Variants in FRMD6 observed in about 807,000 individuals in gnomAD.
The protein encoded by FRMD6 is FERM domain containing 6.
A neutral mutation model predicts 73.2 loss-of-function variants in FRMD6; 37 were observed. The ratio of observed to expected loss-of-function variants is 0.51; its 90% CI spans 0.39 to 0.66. The LOEUF (loss-of-function observed/expected upper bound fraction) is 0.66. Ranked by LOEUF, FRMD6 falls within the 30% of genes least tolerant of loss-of-function variation. The probability of loss-of-function intolerance (pLI) is 0.00; values close to 1 mark genes in which losing one functional copy is unlikely to be tolerated. For synonymous variants in FRMD6, 273 were observed against 282.2 expected (o/e 0.97, Z 0.33); for missense variants, 714 against 780.5 (o/e 0.91, Z 1.02).
At chr14:51,683,672 C>T (rs1486862512) in intron 1 of FRMD6, among the ~76,000 whole-genome samples, 1 of 152,084 alleles carries the variant, frequency 6.6e-6, no homozygotes, top group African/African-American at 2.4e-5. Context: ...TTTAACCCTT[C>T]CAATAATCTT....
chr14:51,608,759 T>C (rs939844357), intron 2 of FRMD6, among the ~76,000 whole-genome samples: 3 of 152,164 alleles, frequency 2.0e-5, no homozygotes, highest in Non-Finnish European at 4.4e-5. Context: ...CATACACATT[T>C]GTCATTCATT....
intron 2 of FRMD6, among the ~76,000 whole-genome samples, chr14:51,690,408 C>T (rs906345730): frequency 6.6e-6 from 1 of 152,044 alleles, no homozygotes; most frequent in Non-Finnish European, 1.5e-5. Context: ...CTTTTTGAGA[C>T]AGAGTCTCAC....
At chr14:51,437,401 C>T in the FRMD6 span, among the ~76,000 whole-genome samples, 1 of 152,214 alleles carries the variant, frequency 6.6e-6, no homozygotes, top group Non-Finnish European at 1.5e-5. Context: ...CTGCCGGGTT[C>T]AAGCGATTCT....
chr14:51,713,458 CAA>C (rs5808631), intron 9 of FRMD6, among the ~76,000 whole-genome samples: 387 of 111,798 alleles, frequency 3.5e-3, no homozygotes, highest in African/African-American at 5.9e-3. Flanking sequence ...AACTCCATCT[CAA>C]AAAAAAAAAA....
At chr14:51,704,517 A>C in intron 5 of FRMD6, 1 of 466,280 alleles carries the variant, frequency 2.1e-6, no homozygotes, top group Non-Finnish European at 3.8e-6. Context: ...AAGCCTTAGG[A>C]AACGTTATTT....
At chr14:51,424,753 A>G in the FRMD6 span, among the ~76,000 whole-genome samples, 1 of 152,246 alleles carries the variant, frequency 6.6e-6, no homozygotes, top group African/African-American at 2.4e-5. Flanking sequence ...TGTGTATTGT[A>G]TGGCTATTTA....
At chr14:51,702,370 C>A in intron 4 of FRMD6, 142 bp from the exon 5 acceptor site, 1 of 664,128 alleles carries the variant, frequency 1.5e-6, no homozygotes, top group Non-Finnish European at 2.7e-6. Context: ...CTACCTACTA[C>A]AAGCCCCTAC....
At chr14:51,426,723 C>G in the FRMD6 span, among the ~76,000 whole-genome samples, 1 of 152,158 alleles carries the variant, frequency 6.6e-6, no homozygotes, top group Admixed American at 6.5e-5. Flanking sequence ...CCTTCTCGTT[C>G]TCTTCTCAGA....
At chr14:51,666,060 A>G (rs890256295) in intron 1 of FRMD6, among the ~76,000 whole-genome samples, 7 of 152,280 alleles carry the variant, frequency 4.6e-5, no homozygotes, top group African/African-American at 7.2e-5. Flanking sequence ...GTGGTAATCT[A>G]TGATTATAGT....
chr14:51,683,350 G>GC (rs1894934498), intron 1 of FRMD6, among the ~76,000 whole-genome samples: 1 of 152,120 alleles, frequency 6.6e-6, no homozygotes, highest in East Asian at 1.9e-4. Flanking sequence ...GCTCACTGCA[G>GC]CAATGACTTG....
intron 9 of FRMD6, among the ~76,000 whole-genome samples, chr14:51,713,018 C>T (rs1340261461): frequency 6.6e-6 from 1 of 152,140 alleles, no homozygotes; most frequent in African/African-American, 2.4e-5. Context: ...ATGAAAAATA[C>T]TCTTACAATA....
intron 1 of FRMD6, among the ~76,000 whole-genome samples, chr14:51,492,464 G>T (rs977640778): frequency 2.0e-4 from 30 of 152,130 alleles, no homozygotes; most frequent in Admixed American, 1.1e-3. Flanking sequence ...CCTTAGCACC[G>T]AGACCATTGG....
At chr14:51,420,436 G>A in the FRMD6 span, among the ~76,000 whole-genome samples, 1 of 152,214 alleles carries the variant, frequency 6.6e-6, no homozygotes, top group Non-Finnish European at 1.5e-5. Context: ...TTGGGAAAAT[G>A]TCAGTGATAA....
the FRMD6 span, among the ~76,000 whole-genome samples, chr14:51,474,283 A>T: frequency 6.6e-6 from 1 of 152,200 alleles, no homozygotes; most frequent in South Asian, 2.1e-4. Context: ...GGAGTTGGAA[A>T]TTTCCCTGCC....
Position 51,597,755 on chromosome 14 carries a change from G to C in FRMD6, c.-147+27345G>C, listed in dbSNP as rs72673992. Among the ~76,000 whole-genome samples the C allele has an allele frequency of 2.4e-3, 366 of 152,312 alleles. 2 individuals carry two copies. The highest frequency in any genetic ancestry group is 4.2e-3 in the Non-Finnish European group (284 of 68,020). ...TGTTCAATCCAAGTTATTAAAGAAG[G>C]GGGTAAAGAAATTCCAAGACCAGAT... is the stretch of plus-strand genomic sequence containing the variant. On this transcript the variant is annotated intron_variant, in intron 2 of 14. Coordinates refer to the FRMD6 transcript ENST00000356218.
chr14:51,409,624 C>G, the FRMD6 span, among the ~76,000 whole-genome samples: 1 of 152,046 alleles, frequency 6.6e-6, no homozygotes, highest in African/African-American at 2.4e-5. Context: ...TTTGACACAG[C>G]GTCTCACTCT....
intron 1 of FRMD6, among the ~76,000 whole-genome samples, chr14:51,551,743 A>T (rs1465449235): frequency 6.6e-6 from 1 of 152,048 alleles, no homozygotes; most frequent in Non-Finnish European, 1.5e-5. Flanking sequence ...TTAGAAAAAA[A>T]AACTTTATAT....
chr14:51,429,609 A>G, the FRMD6 span, among the ~76,000 whole-genome samples: 1 of 152,154 alleles, frequency 6.6e-6, no homozygotes, highest in East Asian at 1.9e-4. Flanking sequence ...CGTTTCCCCC[A>G]TTTAACATTC....
chr14:51,503,786 C>T (rs1410736481), intron 1 of FRMD6, among the ~76,000 whole-genome samples: 1 of 148,386 alleles, frequency 6.7e-6, no homozygotes, highest in Non-Finnish European at 1.5e-5. Context: ...AGAATAGTTT[C>T]AGTAGAAATG....
Sources: gnomAD v4.1 joint callset for allele counts (sites outside exome capture counted in the v4.1 genomes callset) on GRCh38, gnomAD v4.1.1 for gene constraint, MANE v1.5 for transcripts, NCBI Gene and HGNC (gene_info 2026-07-23, HGNC 2026-07-21) for gene names.